The following CDRT4 variants were observed in gnomAD, a reference collection of about 807,000 sequenced individuals.
CDRT4 encodes the protein CMT1A duplicated region transcript 4.
For missense variants in CDRT4, 167 were observed against 193.1 expected, an observed-to-expected ratio of 0.87 and a Z score of 0.80; for synonymous variants, 64 against 69.6, an observed-to-expected ratio of 0.92 and a Z score of 0.40.
chr17:15,451,135 G>C (rs1979243479), intron 2 of CDRT4, among the ~76,000 whole-genome samples: 1 of 152,102 alleles, frequency 6.6e-6, no homozygotes, highest in Non-Finnish European at 1.5e-5. Context: ...TCATGGGGGT[G>C]GGTTTTTCCC....
At chr17:15,467,253 G>A (rs998112470) in intron 1 of CDRT4, among the ~76,000 whole-genome samples, 3 of 152,164 alleles carry the variant, frequency 2.0e-5, no homozygotes, top group African/African-American at 4.8e-5. Context: ...GCATCAGTAC[G>A]TTTTACAAAG....
In CDRT4 at chr17:15,464,731, C is replaced by T. The variant is rs1979916486; in HGVS notation, c.-130+2729G>A. Reference sequence around the variant, plus strand: ...AACAATTCTTCCATTGACCCCCAAGCTTCCGTTACTTGTATTTTGCTCCTT... The same window carrying T: ...AACAATTCTTCCATTGACCCCCAAGTTTCCGTTACTTGTATTTTGCTCCTT... On this transcript the variant is annotated intron_variant, in intron 1 of 3. Coordinates refer to ENST00000619038, the MANE Select transcript of CDRT4 (RefSeq NM_001204477.2). The surrounding 1 kb of genome is among the most constrained non-coding windows in gnomAD (Gnocchi z 4.5). Among the ~76,000 whole-genome samples, 1 of 152,178 alleles carries T rather than the reference C, an allele frequency of 6.6e-6. No homozygotes were observed. Among genetic ancestry groups the T allele is most frequent in the Non-Finnish European group, 1.5e-5 (1 of 68,040 alleles).
intron 2 of CDRT4, among the ~76,000 whole-genome samples, chr17:15,451,471 C>CCCATGGCT (rs112903070): frequency 0.21 from 31,607 of 151,142 alleles, 6,181 homozygotes; most frequent in East Asian, 0.48. Flanking sequence ...GCCTAACATT[C>CCCATGGCT]CCCCCTCCAT....
At chr17:15,458,833 C>A (rs553537853) in intron 1 of CDRT4, among the ~76,000 whole-genome samples, 1 of 152,258 alleles carries the variant, frequency 6.6e-6, no homozygotes, top group African/African-American at 2.4e-5. Flanking sequence ...CCATCACCAG[C>A]AGCAGCAACA....
intron 1 of CDRT4, among the ~76,000 whole-genome samples, chr17:15,465,518 AC>A (rs1979994337): frequency 6.6e-6 from 1 of 151,338 alleles, no homozygotes; most frequent in Admixed American, 6.6e-5. Context: ...CACAACACAG[AC>A]CCACACCAAT....
intron 1 of CDRT4, among the ~76,000 whole-genome samples, chr17:15,459,241 C>A (rs1452403442): frequency 6.6e-6 from 1 of 152,048 alleles, no homozygotes; most frequent in African/African-American, 2.4e-5. Flanking sequence ...CACTCATGAA[C>A]AACAAGACAA....
intron 1 of CDRT4, among the ~76,000 whole-genome samples, chr17:15,461,913 A>G (rs757702050): frequency 2.6e-5 from 4 of 152,216 alleles, no homozygotes; most frequent in Non-Finnish European, 4.4e-5. Flanking sequence ...AGTAGTATGT[A>G]GTCTTAAAAA....
intron 2 of CDRT4, chr17:15,443,553 G>C (rs549873042): frequency 2.2e-4 from 52 of 237,598 alleles, no homozygotes; most frequent in African/African-American, 1.2e-3. Context: ...AAAGTGCCGG[G>C]ATTATAGGTG....
At chr17:15,439,288 C>A (rs1320990505) in intron 3 of CDRT4, 1 of 416,310 alleles carries the variant, frequency 2.4e-6, no homozygotes, top group Non-Finnish European at 4.7e-6. Flanking sequence ...AAAAAAATGC[C>A]GTAAATGGGG....
intron 2 of CDRT4, among the ~76,000 whole-genome samples, chr17:15,443,403 C>T (rs886178984): frequency 6.6e-6 from 1 of 151,336 alleles, no homozygotes; most frequent in Non-Finnish European, 1.5e-5. Context: ...CCTTCACCTC[C>T]TGGGTAGCTG....
At chr17:15,457,076 C>A (rs1351520800) in intron 1 of CDRT4, among the ~76,000 whole-genome samples, 1 of 152,156 alleles carries the variant, frequency 6.6e-6, no homozygotes, top group Non-Finnish European at 1.5e-5. Context: ...CCTCGCGCTA[C>A]TTTGCCTCTG....
At chr17:15,465,519 C>T (rs889123919) in intron 1 of CDRT4, among the ~76,000 whole-genome samples, 6 of 151,176 alleles carry the variant, frequency 4.0e-5, no homozygotes, top group African/African-American at 1.5e-4. Flanking sequence ...ACAACACAGA[C>T]CCACACCAAT....
At chr17:15,454,530 C>A (rs1266265776) in intron 1 of CDRT4, among the ~76,000 whole-genome samples, 1 of 152,222 alleles carries the variant, frequency 6.6e-6, no homozygotes, top group Non-Finnish European at 1.5e-5. Flanking sequence ...CTGTGTAACT[C>A]CCTAAGTCAC....
At chr17:15,440,325 C>T in intron 2 of CDRT4, 40 bp from the exon 3 acceptor site, 2 of 1,600,098 alleles carry the variant, frequency 1.2e-6, no homozygotes, top group African/African-American at 1.3e-5. Flanking sequence ...CCTCCTCAAA[C>T]TGGAAAGCAA....
chr17:15,440,199 C>T lies in CDRT4; in HGVS notation c.31+9G>A. ...CAGGAGCTTCCACTGGTAACACTCC[C>T]AACCCTACCTTCTTCTTTCTTCATC... On this transcript the variant is annotated intron_variant, in intron 3 of 3. Coordinates refer to ENST00000619038, the MANE Select transcript of CDRT4 (RefSeq NM_001204477.2). 6.2e-7 allele frequency: 1 copy of T among 1,613,438 alleles called. No individual in the cohort carries two copies. The highest frequency in any genetic ancestry group is 8.5e-7 in the Non-Finnish European group (1 of 1,179,948).
intron 1 of CDRT4, among the ~76,000 whole-genome samples, chr17:15,461,670 G>C (rs1466846114): frequency 6.6e-6 from 1 of 152,156 alleles, no homozygotes; most frequent in Admixed American, 6.5e-5. Context: ...ACCACATTTT[G>C]AGAACCACCA....
At chr17:15,443,939 C>T (rs903603204) in intron 2 of CDRT4, 30 of 668,536 alleles carry the variant, frequency 4.5e-5, no homozygotes, top group Non-Finnish European at 6.8e-5. Context: ...ATGTTGTTAT[C>T]CAGGAGAATG....
intron 1 of CDRT4, among the ~76,000 whole-genome samples, chr17:15,462,270 T>C (rs1261074509): frequency 6.6e-6 from 1 of 151,282 alleles, no homozygotes; most frequent in Non-Finnish European, 1.5e-5. Context: ...CTACTAAAAA[T>C]ACAAAAAATT....
intron 1 of CDRT4, among the ~76,000 whole-genome samples, chr17:15,462,239 T>A (rs961716105): frequency 2.0e-5 from 3 of 151,884 alleles, no homozygotes; most frequent in African/African-American, 7.3e-5. Context: ...CCATCCTGAC[T>A]AACACGGTGA....
Sources: allele counts gnomAD v4.1 joint callset (sites outside exome capture counted in the v4.1 genomes callset), GRCh38; gene constraint gnomAD v4.1.1; non-coding constraint Gnocchi (gnomAD v3.1); transcripts MANE v1.5; gene names NCBI Gene and HGNC (gene_info 2026-07-23, HGNC 2026-07-21).